Variants in PGGT1B observed in about 807,000 individuals in gnomAD.
The protein encoded by PGGT1B is protein geranylgeranyltransferase type I subunit beta, also known as geranylgeranyl transferase type-1 subunit beta.
A neutral mutation model predicts 46.1 loss-of-function variants in PGGT1B; 30 were observed. The ratio of observed to expected loss-of-function variants is 0.65; its 90% CI spans 0.49 to 0.88. The LOEUF is 0.88. PGGT1B is among the 40% of genes least tolerant of loss of function. The pLI, the probability that PGGT1B is intolerant of heterozygous loss-of-function variation, is 0.00. For synonymous variants in PGGT1B, 170 were observed against 160.0 expected (o/e 1.06, Z -0.47); for missense variants, 376 against 455.9 (o/e 0.82, Z 1.60).
intron 3 of PGGT1B, among the ~76,000 whole-genome samples, chr5:115,239,597 A>G (rs759789971): frequency 1.3e-5 from 2 of 152,250 alleles, no homozygotes; most frequent in Non-Finnish European, 2.9e-5. Context: ...TAAGAGCAGA[A>G]GATAAGTCTA....
chr5:115,223,001 G>A (rs1407330847), intron 6 of PGGT1B, among the ~76,000 whole-genome samples: 2 of 152,040 alleles, frequency 1.3e-5, no homozygotes, highest in Non-Finnish European at 2.9e-5. Context: ...ATAGCATTAG[G>A]AGAAATACCT....
intron 6 of PGGT1B, among the ~76,000 whole-genome samples, chr5:115,228,060 A>G (rs1011738825): frequency 4.6e-5 from 7 of 152,234 alleles, no homozygotes; most frequent in Non-Finnish European, 1.0e-4. Context: ...TAAAAAATCA[A>G]TAAATCTACG....
At chr5:115,240,456 T>A (rs76851978) in intron 3 of PGGT1B, among the ~76,000 whole-genome samples, 2,042 of 152,306 alleles carry the variant, frequency 0.013, 49 homozygotes, top group African/African-American at 0.046. Flanking sequence ...ACCTGTATTC[T>A]GGATTAGCTT....
At chr5:115,230,770 C>G (rs1756953752) in intron 6 of PGGT1B, among the ~76,000 whole-genome samples, 1 of 151,940 alleles carries the variant, frequency 6.6e-6, no homozygotes, top group Non-Finnish European at 1.5e-5. Flanking sequence ...AACATCCCAG[C>G]CTGAATAACA....
chr5:115,231,713 T>A (rs1394371323), intron 5 of PGGT1B: 1 of 152,034 alleles, frequency 6.6e-6, no homozygotes, highest in Non-Finnish European at 1.5e-5. Flanking sequence ...CTAAAATCAC[T>A]GCCTAAGAGA....
At chr5:115,261,892 G>A (rs764321594) in intron 1 of PGGT1B, among the ~76,000 whole-genome samples, 1 of 152,104 alleles carries the variant, frequency 6.6e-6, no homozygotes, top group Non-Finnish European at 1.5e-5. Context: ...CCATAATGTG[G>A]TTCTTGACCA....
At chr5:115,256,230 C>A (rs1210902053) in intron 1 of PGGT1B, among the ~76,000 whole-genome samples, 1 of 152,176 alleles carries the variant, frequency 6.6e-6, no homozygotes, top group Non-Finnish European at 1.5e-5. Context: ...TAAATGTCTA[C>A]AATGCACAGG....
intron 2 of PGGT1B, among the ~76,000 whole-genome samples, chr5:115,252,236 T>A (rs927432615): frequency 4.6e-5 from 7 of 152,120 alleles, no homozygotes; most frequent in African/African-American, 1.4e-4. Context: ...TAAATCATTT[T>A]TTAATAAGAC....
At chr5:115,235,960 A>G (rs1757171112) in intron 5 of PGGT1B, among the ~76,000 whole-genome samples, 1 of 152,120 alleles carries the variant, frequency 6.6e-6, no homozygotes, top group South Asian at 2.1e-4. Flanking sequence ...GACACAGTAG[A>G]GCAAAGGATA....
chr5:115,246,544 G>A (rs1240406344), intron 2 of PGGT1B, among the ~76,000 whole-genome samples: 2 of 152,166 alleles, frequency 1.3e-5, no homozygotes, highest in Non-Finnish European at 2.9e-5. Flanking sequence ...TCTGGGTACA[G>A]TATAAATTTC....
At chr5:115,250,665 A>C (rs1226780459) in intron 2 of PGGT1B, among the ~76,000 whole-genome samples, 1 of 152,200 alleles carries the variant, frequency 6.6e-6, no homozygotes, top group African/African-American at 2.4e-5. Context: ...CTTTCCCTGA[A>C]GTATAATAAA....
intron 8 of PGGT1B, 99 bp from the exon 9 acceptor site, chr5:115,212,682 A>G: frequency 1.3e-6 from 1 of 768,234 alleles, no homozygotes; most frequent in Non-Finnish European, 2.0e-6. Flanking sequence ...ACTCCATTAA[A>G]AGTAAGTTTA....
intron 1 of PGGT1B, among the ~76,000 whole-genome samples, chr5:115,256,985 A>G (rs1424319918): frequency 1.3e-5 from 2 of 152,190 alleles, no homozygotes; most frequent in African/African-American, 4.8e-5. Flanking sequence ...CTGAATCTGC[A>G]GCCTGAGAAG....
chr5:115,250,033 A>G (rs1053663513), intron 2 of PGGT1B, among the ~76,000 whole-genome samples: 2 of 152,066 alleles, frequency 1.3e-5, no homozygotes, highest in Non-Finnish European at 2.9e-5. Flanking sequence ...ATCTTTAACA[A>G]TTCTTTATAG....
At chr5:115,244,777 GA>G (rs1161874679) in intron 2 of PGGT1B, among the ~76,000 whole-genome samples, 1 of 151,784 alleles carries the variant, frequency 6.6e-6, no homozygotes, top group East Asian at 2.0e-4. Flanking sequence ...TTTTAGTAGA[GA>G]CGGGGTTTCA....
chr5:115,249,482 G>T (rs562648479), intron 2 of PGGT1B, among the ~76,000 whole-genome samples: 9 of 152,204 alleles, frequency 5.9e-5, no homozygotes, highest in Non-Finnish European at 1.3e-4. Flanking sequence ...AGACCAAACA[G>T]GCTAAACTAA....
chr5:115,236,433 C>G lies in PGGT1B; in HGVS notation c.569G>C (p.Gly190Ala), dbSNP rs1757183968. The G allele has an allele frequency of 6.3e-7, 1 of 1,595,306 alleles. No individual in the cohort carries two copies. The highest frequency in any genetic ancestry group is 2.3e-5 in the East Asian group (1 of 43,852). ...CICYMLNNWSGMDMKKAITYI... is the reference protein window; with the variant it reads ...CICYMLNNWSAMDMKKAITYI... ...GGTGATGGCTTTTTTCATATCCATG[C>G]CTGACCAGTTGTTGAGCATATAGCA... The change falls in exon 5 of 9, where the codon GGC becomes GCC. Residue 190 changes from glycine to alanine, a missense_variant. By Grantham distance (60) the Gly-to-Ala change is moderately conservative. Around this residue, in one of 2 missense-constraint regions of PGGT1B, gnomAD observed 222 missense variants for 313.6 expected, o/e 0.71. Coordinates refer to ENST00000419445, the MANE Select transcript of PGGT1B (RefSeq NM_005023.4).
intron 2 of PGGT1B, among the ~76,000 whole-genome samples, chr5:115,247,890 T>A (rs1486558620): frequency 2.6e-5 from 4 of 152,212 alleles, no homozygotes; most frequent in Admixed American, 2.6e-4. Context: ...ACATCTGACC[T>A]GGGAATGCTG....
intron 5 of PGGT1B, chr5:115,231,791 C>T (rs1025038503): frequency 2.6e-5 from 4 of 152,066 alleles, no homozygotes; most frequent in African/African-American, 9.7e-5. Flanking sequence ...GCACACATTC[C>T]AGTTGCCATG....
Sources: allele counts gnomAD v4.1 joint callset (sites outside exome capture counted in the v4.1 genomes callset), GRCh38; gene constraint gnomAD v4.1.1; regional missense constraint gnomAD v4.1.1; transcripts MANE v1.5; gene names NCBI Gene and HGNC (gene_info 2026-07-23, HGNC 2026-07-21).